The following JAK1 variants were observed in gnomAD, a reference collection of about 807,000 sequenced individuals.
JAK1 encodes tyrosine-protein kinase JAK1.
Under a neutral mutation model 136.6 loss-of-function variants are expected in JAK1, and 16 were observed. The observed-to-expected ratio is 0.12, with a 90% CI of 0.08 to 0.18. The LOEUF (loss-of-function observed/expected upper bound fraction) is 0.18. Among genes scored for constraint, JAK1 ranks in the 10% least tolerant of loss-of-function variants. The pLI is 1.00. For synonymous variants in JAK1, 492 were observed against 519.5 expected (o/e 0.95, Z 0.72); for missense variants, 859 against 1,450.1 (o/e 0.59, Z 6.62).
intron 1 of JAK1, among the ~76,000 whole-genome samples, chr1:64,960,460 A>G (rs1646262723): frequency 2.0e-5 from 3 of 152,186 alleles, no homozygotes; most frequent in Non-Finnish European, 2.9e-5. Context: ...GAATCAAAAA[A>G]CAAAACAAGG....
intron 2 of JAK1, chr1:64,986,106 A>C: frequency 1.3e-6 from 1 of 757,640 alleles, no homozygotes. Flanking sequence ...CCTCAATCTA[A>C]TTGTTTTTTT....
rs2101115429 is a variant in JAK1 at position 64,867,073 on chromosome 1, C to T, written c.783G>A (p.Val261=). 1.2e-6 allele frequency: 2 copies of T among 1,614,192 alleles called. No homozygotes were observed. Among genetic ancestry groups the T allele is most frequent in the Non-Finnish European group, 1.7e-6 (2 of 1,179,998 alleles). ...FNNKTICDSS[V]STHDLKVKYL... ...ATTTCACCTTCAGGTCATGCGTGGA[C>T]ACGCTGCTGTCACAAATGGTCTTGT... Residue 261 remains valine (V), a synonymous_variant, in exon 7 of 25, where the codon GTG becomes GTA. Coordinates refer to ENST00000342505, the MANE Select transcript of JAK1 (RefSeq NM_002227.4).
intron 2 of JAK1, among the ~76,000 whole-genome samples, chr1:65,036,858 T>C (rs969915938): frequency 1.3e-5 from 2 of 152,182 alleles, no homozygotes; most frequent in Admixed American, 6.5e-5. Context: ...ACTAGAGTAA[T>C]TACAGTAGTC....
intron 2 of JAK1, among the ~76,000 whole-genome samples, chr1:65,033,725 CAAA>C (rs10700479): frequency 4.5e-5 from 4 of 89,236 alleles, no homozygotes; most frequent in African/African-American, 4.2e-5. Flanking sequence ...CCCGTAGTAC[CAAA>C]AAAAAAAAAA....
At chr1:64,983,102 A>G (rs760830292) in intron 2 of JAK1, among the ~76,000 whole-genome samples, 1 of 152,228 alleles carries the variant, frequency 6.6e-6, no homozygotes, top group Non-Finnish European at 1.5e-5. Flanking sequence ...TGAGATGTGT[A>G]AGCACCAAGA....
chr1:64,848,006 G>T, intron 12 of JAK1: 1 of 228,968 alleles, frequency 4.4e-6, no homozygotes, highest in Non-Finnish European at 8.5e-6. Context: ...CAGCCACATG[G>T]GTCCCACCCC....
chr1:64,879,434 C>T (rs903990567), intron 3 of JAK1, among the ~76,000 whole-genome samples: 3 of 152,014 alleles, frequency 2.0e-5, no homozygotes, highest in African/African-American at 4.8e-5. Flanking sequence ...TACAGGTATC[C>T]GTCACAGAGC....
intron 2 of JAK1, among the ~76,000 whole-genome samples, chr1:65,035,850 T>C (rs1440790878): frequency 6.6e-6 from 1 of 152,092 alleles, no homozygotes; most frequent in Non-Finnish European, 1.5e-5. Context: ...GGGCGGATCA[T>C]GAGGTCACAA....
Position 64,833,443 on chromosome 1 carries a change from C to CTCTT in JAK1, c.*1115_*1118dup, listed in dbSNP as rs768597044. The CTCTT allele has an allele frequency of 2.6e-5, 6 of 232,920 alleles. No homozygotes were observed. Among genetic ancestry groups the CTCTT allele is most frequent in the Non-Finnish European group, 4.2e-5 (5 of 117,674 alleles). 14.4% of individuals were successfully genotyped at this position (232,920 alleles called of 1,614,324 possible). A position where few individuals can be genotyped will look rare whatever the true frequency, so the allele number is the denominator to read the frequency against. ...ACAGCATAACAAAAAGATTTTCAGA[C>CTCTT]TCTTGGTCATAAAGACCGTAATCGT... On this transcript the variant is annotated 3_prime_UTR_variant, in exon 25 of 25. Coordinates refer to ENST00000342505, the MANE Select transcript of JAK1 (RefSeq NM_002227.4).
intron 1 of JAK1, among the ~76,000 whole-genome samples, chr1:64,902,758 C>A (rs201560367): frequency 1.3e-5 from 2 of 152,146 alleles, no homozygotes; most frequent in East Asian, 3.9e-4. Flanking sequence ...CCCCAATACG[C>A]AGTGGTGGAA....
intron 2 of JAK1, among the ~76,000 whole-genome samples, chr1:65,014,428 AAGAG>A (rs1176677431): frequency 3.3e-5 from 5 of 151,420 alleles, no homozygotes; most frequent in Admixed American, 6.6e-5. Flanking sequence ...AAAAGAAAGA[AAGAG>A]AGAATGGGAG....
At chr1:64,939,254 T>C (rs1645844831) in intron 1 of JAK1, among the ~76,000 whole-genome samples, 1 of 152,244 alleles carries the variant, frequency 6.6e-6, no homozygotes, top group African/African-American at 2.4e-5. Flanking sequence ...GAGCAACAGA[T>C]CTAGGCATGA....
intron 1 of JAK1, among the ~76,000 whole-genome samples, chr1:64,962,255 TG>T (rs1416079645): frequency 2.6e-5 from 4 of 152,218 alleles, no homozygotes; most frequent in Non-Finnish European, 5.9e-5. Flanking sequence ...AATAAAAGAA[TG>T]TATAAAATGC....
Position 64,844,070 on chromosome 1 carries a change from C to G in JAK1, c.2397G>C (p.Leu799=). Reference sequence around the variant, plus strand: ...CCGGGAAACACCTGCTCACCTCAATCAGCGTCTTGTCTTTCAAGGGGATCT... The same window carrying G: ...CCGGGAAACACCTGCTCACCTCAATGAGCGTCTTGTCTTTCAAGGGGATCT... ...NGEIPLKDKT[L]IEKERFYESR... The change falls in exon 17 of 25, where the codon CTG becomes CTC. Residue 799 remains leucine (L), a synonymous_variant. Transcript: ENST00000342505. The surrounding 1 kb of genome is among the most constrained non-coding windows in gnomAD (Gnocchi z 5.7). 6.2e-7 allele frequency: 1 copy of G among 1,614,100 alleles called. No homozygotes were observed. The highest frequency in any genetic ancestry group is 8.5e-7 in the Non-Finnish European group (1 of 1,180,018).
chr1:64,931,550 G>A (rs1645692870), intron 1 of JAK1, among the ~76,000 whole-genome samples: 1 of 151,996 alleles, frequency 6.6e-6, no homozygotes, highest in Admixed American at 6.6e-5. Context: ...ACAAGGCTGA[G>A]TGGTTGTATC....
chr1:64,889,102 C>G (rs976451264), intron 1 of JAK1, among the ~76,000 whole-genome samples: 1 of 152,090 alleles, frequency 6.6e-6, no homozygotes, highest in Non-Finnish European at 1.5e-5. Context: ...TAAAATAAAC[C>G]AGACAATGTG....
At chr1:64,883,942 A>G (rs1224190675) in intron 2 of JAK1, among the ~76,000 whole-genome samples, 1 of 152,128 alleles carries the variant, frequency 6.6e-6, no homozygotes, top group Non-Finnish European at 1.5e-5. Context: ...TTTCATGTCC[A>G]TCTCCCACTA....
In JAK1 at chr1:64,900,079, G is replaced by A. The variant is rs1645081176; in HGVS notation, c.-77-13738C>T. Among the ~76,000 whole-genome samples, 2 of 152,272 alleles carry A rather than the reference G, an allele frequency of 1.3e-5. 1 individual carries two copies. Among genetic ancestry groups the A allele is most frequent in the South Asian group, 4.1e-4 (2 of 4,824 alleles). On this transcript the variant is annotated intron_variant, in intron 1 of 24. Coordinates refer to ENST00000342505, the MANE Select transcript of JAK1 (RefSeq NM_002227.4). ...ATGTGTTACTACACTAATGAGGGGA[G>A]AAAAGTCATTCCCCCTGGGTTATAC...
rs1205571719 is a variant in JAK1, at chr1:64,844,670, G to A, written c.2251+84C>T. On this transcript the variant is annotated intron_variant, in intron 16 of 24. Transcript: ENST00000342505. This position sits in a 1 kb window ranked among gnomAD's most constrained non-coding sequence, Gnocchi z 5.7. ...CAAAAAAAAAATGACTCTCTAAAAG[G>A]AGACCAACCCCAGCCCAGCCCTTCT... The A allele has an allele frequency of 1.3e-6, 2 of 1,540,450 alleles. No individual in the cohort carries two copies. The highest frequency in any genetic ancestry group is 1.4e-5 in the African/African-American group (1 of 72,628).
Sources: allele counts gnomAD v4.1 joint callset (sites outside exome capture counted in the v4.1 genomes callset), GRCh38; gene constraint gnomAD v4.1.1; non-coding constraint Gnocchi (gnomAD v3.1); transcripts MANE v1.5; gene names NCBI Gene and HGNC (gene_info 2026-07-23, HGNC 2026-07-21).